CRB1: variants seen among roughly 807,000 people sequenced by gnomAD.
CRB1 encodes protein crumbs homolog 1.
CRB1 carries 83 observed loss-of-function variants against 120.0 expected under a neutral mutation model. The observed-to-expected ratio is 0.69, with a 90% CI of 0.58 to 0.83. The LOEUF is 0.83. Among genes scored for constraint, CRB1 ranks in the 40% least tolerant of loss-of-function variants. The pLI is 0.00. For synonymous variants in CRB1, 625 were observed against 612.5 expected (o/e 1.02, Z -0.30); for missense variants, 1,699 against 1,687.6 (o/e 1.01, Z -0.12).
chr1:197,411,981 C>A (rs1323481745), intron 5 of CRB1, among the ~76,000 whole-genome samples: 2 of 152,158 alleles, frequency 1.3e-5, no homozygotes, highest in African/African-American at 4.8e-5. Flanking sequence ...TTTCAGCCTC[C>A]CCCTAGCAGA....
intron 7 of CRB1, 48 bp from the exon 8 acceptor site, chr1:197,429,401 T>C: frequency 6.3e-7 from 1 of 1,597,590 alleles, no homozygotes; most frequent in Middle Eastern, 1.7e-4. Flanking sequence ...AACATTTTTC[T>C]ATTTAGTTGC....
intron 4 of CRB1, among the ~76,000 whole-genome samples, chr1:197,354,676 CAGTGTGGA>C (rs1660337188): frequency 1.3e-5 from 2 of 152,152 alleles, no homozygotes; most frequent in African/African-American, 4.8e-5. Context: ...CTCATAAAGT[CAGTGTGGA>C]CCCAAACAGT....
At chr1:197,400,045 A>G (rs1662980384) in intron 5 of CRB1, among the ~76,000 whole-genome samples, 1 of 152,182 alleles carries the variant, frequency 6.6e-6, no homozygotes, top group Non-Finnish European at 1.5e-5. Context: ...ATGCCTGGAC[A>G]TGGGGATCAT....
chr1:197,206,843 C>A, the CRB1 span, among the ~76,000 whole-genome samples: 1 of 151,856 alleles, frequency 6.6e-6, no homozygotes, highest in Non-Finnish European at 1.5e-5. Flanking sequence ...TATTGAAGTC[C>A]CCCAATATTA....
At chr1:197,289,653 C>G (rs182562366) in intron 1 of CRB1, among the ~76,000 whole-genome samples, 2 of 151,650 alleles carry the variant, frequency 1.3e-5, no homozygotes, top group African/African-American at 2.4e-5. Flanking sequence ...ATATCAGAAC[C>G]TTTTCTTCTA....
At chr1:197,252,600 G>C in the CRB1 span, among the ~76,000 whole-genome samples, 1 of 119,318 alleles carries the variant, frequency 8.4e-6, no homozygotes, top group African/African-American at 2.9e-5. Flanking sequence ...GTGTGTGTGT[G>C]TGTGTGTGTG....
At chr1:197,313,993 T>C (rs1323554408) in intron 1 of CRB1, among the ~76,000 whole-genome samples, 4 of 152,194 alleles carry the variant, frequency 2.6e-5, no homozygotes, top group Non-Finnish European at 5.9e-5. Flanking sequence ...TTAAAACCAG[T>C]TTAAAAACGC....
rs62636285 is a variant in CRB1 at position 197,442,279 on chromosome 1, G to A, written c.3992G>A (p.Arg1331His). The A allele has an allele frequency of 1.2e-3, 1,939 of 1,614,140 alleles. 6 individuals carry two copies. The highest frequency in any genetic ancestry group is 7.6e-3 in the South Asian group (695 of 91,084). ...TGTGATGTTGCCTTTGCTGGCGAGCGCTGCGAGGTGGACGTAAGCAGCCTC... is the reference window on the plus strand; with the variant it reads ...TGTGATGTTGCCTTTGCTGGCGAGCACTGCGAGGTGGACGTAAGCAGCCTC... ...CLCDVAFAGE[R>H]CEVDLADDLI... The change falls in exon 11 of 12, where the codon CGC becomes CAC. Residue 1331 changes from arginine to histidine, a missense_variant. By Grantham distance (29) the Arg-to-His change is conservative (BLOSUM62 0). Transcript: ENST00000367400.
chr1:197,287,655 T>A (rs1197971372), intron 1 of CRB1, among the ~76,000 whole-genome samples: 2 of 151,782 alleles, frequency 1.3e-5, no homozygotes, highest in South Asian at 4.1e-4. Flanking sequence ...AATTTCCTCA[T>A]GTGCAGTTTA....
At chr1:197,469,126 G>A (rs1666872254) in intron 11 of CRB1, among the ~76,000 whole-genome samples, 1 of 152,140 alleles carries the variant, frequency 6.6e-6, no homozygotes, top group Non-Finnish European at 1.5e-5. Context: ...AAGCCAAGGT[G>A]GGCGGATAGC....
At chr1:197,438,729 ATTAC>A in intron 10 of CRB1, 54 bp downstream of exon 10, 1 of 1,601,626 alleles carries the variant, frequency 6.2e-7, no homozygotes, top group South Asian at 1.1e-5. Flanking sequence ...GAATGATGGG[ATTAC>A]TCAAAGTTCA....
intron 4 of CRB1, 131 bp from the exon 5 acceptor site, chr1:197,356,700 A>G: frequency 3.6e-6 from 3 of 842,952 alleles, no homozygotes; most frequent in Non-Finnish European, 5.9e-6. Context: ...GATTCCCCTT[A>G]CCAGCTCCTT....
chr1:197,397,572 C>A (rs770908958), intron 5 of CRB1, among the ~76,000 whole-genome samples: 2 of 152,132 alleles, frequency 1.3e-5, no homozygotes, highest in Admixed American at 6.6e-5. Context: ...AAATCTTCAT[C>A]AGTTACTGAA....
At chr1:197,345,335 G>A (rs1166638987) in intron 3 of CRB1, among the ~76,000 whole-genome samples, 2 of 151,876 alleles carry the variant, frequency 1.3e-5, no homozygotes, top group African/African-American at 2.4e-5. Context: ...ATGAGAAGAC[G>A]CCCGCAAGTT....
intron 5 of CRB1, among the ~76,000 whole-genome samples, chr1:197,415,691 G>C (rs1170202729): frequency 7.6e-6 from 1 of 131,226 alleles, no homozygotes; most frequent in African/African-American, 3.0e-5. Flanking sequence ...CGCCCAGGCT[G>C]GAGTGCAGTG....
chr1:197,368,298 TAAAAGATG>T (rs2125377079), intron 5 of CRB1, among the ~76,000 whole-genome samples: 1 of 152,308 alleles, frequency 6.6e-6, no homozygotes, highest in East Asian at 1.9e-4. Context: ...ACTGTAACTC[TAAAAGATG>T]AAACTTTGCT....
intron 10 of CRB1, chr1:197,438,907 AAATGTAT>A (rs1665295792): frequency 2.3e-6 from 1 of 440,132 alleles, no homozygotes; most frequent in Admixed American, 3.5e-5. Context: ...GATTTTTAAA[AAATGTAT>A]AATGTGCTAT....
At chr1:197,224,723 T>A in the CRB1 span, among the ~76,000 whole-genome samples, 1 of 152,124 alleles carries the variant, frequency 6.6e-6, no homozygotes, top group South Asian at 2.1e-4. Flanking sequence ...GAAGATACAG[T>A]CCTACTTATA....
At chr1:197,465,319 G>C (rs1400496291) in intron 11 of CRB1, among the ~76,000 whole-genome samples, 1 of 152,038 alleles carries the variant, frequency 6.6e-6, no homozygotes, top group African/African-American at 2.4e-5. Context: ...CCTAGCCTTT[G>C]CTTCTGTTGT....
Sources: allele counts gnomAD v4.1 joint callset (sites outside exome capture counted in the v4.1 genomes callset), GRCh38; gene constraint gnomAD v4.1.1; transcripts MANE v1.5; gene names NCBI Gene and HGNC (gene_info 2026-07-23, HGNC 2026-07-21).